Variants in MSMB observed in about 807,000 individuals in gnomAD.
MSMB encodes the protein microseminoprotein beta.
Under a neutral mutation model 10.5 loss-of-function variants are expected in MSMB, and 10 were observed. That is an observed-to-expected ratio of 0.95 (90% CI 0.59 to 1.62). The LOEUF is 1.62. Among genes scored for constraint, MSMB ranks in the 40% most tolerant of loss-of-function variants. MSMB has a pLI of 0.00. For synonymous variants in MSMB, 43 were observed against 46.5 expected (o/e 0.93, Z 0.30); for missense variants, 126 against 137.4 (o/e 0.92, Z 0.42).
intron 1 of MSMB, among the ~76,000 whole-genome samples, chr10:46,044,269 C>A (rs1840828086): frequency 6.6e-6 from 1 of 152,102 alleles, no homozygotes; most frequent in South Asian, 2.1e-4. Flanking sequence ...AGCAGGCTGG[C>A]AGTATCCTTA....
At position 46,039,269 on chromosome 10, in the gene MSMB, T is replaced by C. The variant is rs536824483; in HGVS notation, c.110-198A>G. On this transcript the variant is annotated intron_variant, in intron 2 of 3. Coordinates refer to ENST00000582163, the MANE Select transcript of MSMB (RefSeq NM_002443.4). ...ACTGTTCAGTTCATGCTACTGATAA[T>C]GTTTTCTTACAGAAAGCTTATATCC... Among the ~76,000 whole-genome samples, 4 of 152,370 alleles carry C rather than the reference T, an allele frequency of 2.6e-5. 1 individual carries two copies. In the East Asian group the frequency reaches 7.7e-4, roughly 29 times the overall value.
intron 1 of MSMB, among the ~76,000 whole-genome samples, chr10:46,044,469 A>G (rs988267360): frequency 1.2e-4 from 17 of 146,948 alleles, no homozygotes; most frequent in Non-Finnish European, 2.2e-4. Context: ...CCAGCTACTC[A>G]GGAGGCTGAG....
At chr10:46,034,722 G>A (rs1840559183) in intron 3 of MSMB, among the ~76,000 whole-genome samples, 1 of 151,838 alleles carries the variant, frequency 6.6e-6, no homozygotes, top group East Asian at 2.0e-4. Flanking sequence ...CTACTCAGGA[G>A]GCTGAGACAG....
chr10:46,040,193 GT>G, intron 1 of MSMB, 102 bp from the exon 2 acceptor site: 1 of 897,690 alleles, frequency 1.1e-6, no homozygotes, highest in South Asian at 1.6e-5. Context: ...CTGCTGAGAG[GT>G]TATGATGTGG....
Position 46,040,025 on chromosome 10 carries a change from A to G in MSMB, c.70T>C (p.Phe24Leu), listed in dbSNP as rs782649914. Residue 24 changes from phenylalanine to leucine, a missense_variant, in exon 2 of 4, where the codon TTC (phenylalanine) becomes CTC (leucine). Physicochemically the swap from Phe to Leu is conservative, Grantham distance 22. Transcript: ENST00000582163. ...CCTGGAACTCCCTCATTAGGTATGA[A>G]ATAGCATGATGCATTGCATAAAGTC... ...FVTLCNASCY[F>L]IPNEGVPGDS... is the part of the protein sequence containing the mutation. 6.2e-7 allele frequency: 1 copy of G among 1,614,064 alleles called. No individual in the cohort carries two copies. The highest frequency in any genetic ancestry group is 8.5e-7 in the Non-Finnish European group (1 of 1,179,904).
intron 1 of MSMB, among the ~76,000 whole-genome samples, chr10:46,044,438 T>C (rs1400999642): frequency 1.4e-5 from 2 of 146,234 alleles, no homozygotes; most frequent in Non-Finnish European, 3.0e-5. Context: ...TAGCTGGGCG[T>C]GGTGGCGGGC....
chr10:46,034,170 T>C (rs1249116155), intron 3 of MSMB, among the ~76,000 whole-genome samples: 2 of 152,186 alleles, frequency 1.3e-5, no homozygotes, highest in African/African-American at 4.8e-5. Flanking sequence ...TGGAGTGCAG[T>C]GGCACGATCT....
At chr10:46,043,979 A>G (rs1554929028) in intron 1 of MSMB, among the ~76,000 whole-genome samples, 1 of 151,988 alleles carries the variant, frequency 6.6e-6, no homozygotes, top group Non-Finnish European at 1.5e-5. Context: ...CCAACCAGAC[A>G]GCCTGTTAAT....
At chr10:46,045,973 G>A (rs1840887336) in intron 1 of MSMB, among the ~76,000 whole-genome samples, 1 of 152,140 alleles carries the variant, frequency 6.6e-6, no homozygotes, top group African/African-American at 2.4e-5. Context: ...AGACACTTAT[G>A]AAATCTAATT....
intron 1 of MSMB, among the ~76,000 whole-genome samples, chr10:46,044,725 G>T (rs1445811026): frequency 1.3e-5 from 2 of 151,974 alleles, no homozygotes; most frequent in Non-Finnish European, 2.9e-5. Flanking sequence ...GCCAAGGTGG[G>T]AGGATCACTT....
At chr10:46,035,710 G>T (rs1363837869) in intron 3 of MSMB, among the ~76,000 whole-genome samples, 1 of 152,130 alleles carries the variant, frequency 6.6e-6, no homozygotes, top group Non-Finnish European at 1.5e-5. Context: ...TCATTAAAAA[G>T]ATTTGGAAAT....
intron 3 of MSMB, among the ~76,000 whole-genome samples, chr10:46,035,950 G>C (rs950955372): frequency 5.9e-5 from 9 of 152,176 alleles, no homozygotes; most frequent in Non-Finnish European, 7.3e-5. Flanking sequence ...TAAGGCAAAA[G>C]GCATATTACT....
Position 46,035,996 on chromosome 10 carries a change from A to G in MSMB, c.216-2445T>C, listed in dbSNP as rs562563679. Among the ~76,000 whole-genome samples the G allele has an allele frequency of 2.0e-5, 3 of 152,334 alleles. No individual in the cohort carries two copies. The South Asian group carries it at 6.2e-4, about 32-fold the overall frequency. On this transcript the variant is annotated intron_variant, in intron 3 of 3. Coordinates refer to ENST00000582163, the MANE Select transcript of MSMB (RefSeq NM_002443.4). ...TTCAATGCAAACCAGACTTAGCTCTATAGAGGAAACAGCAGAGAGAGAGAG... is the reference window on the plus strand; with the variant it reads ...TTCAATGCAAACCAGACTTAGCTCTGTAGAGGAAACAGCAGAGAGAGAGAG...
At chr10:46,041,344 CAAAAAAAAAAA>C (rs60728604) in intron 1 of MSMB, among the ~76,000 whole-genome samples, 7 of 96,604 alleles carry the variant, frequency 7.2e-5, no homozygotes, top group Non-Finnish European at 1.5e-4. Context: ...GACTCCGTCT[CAAAAAAAAAAA>C]AAAAAAAAAA....
At chr10:46,044,444 C>A (rs1018673803) in intron 1 of MSMB, among the ~76,000 whole-genome samples, 3 of 145,894 alleles carry the variant, frequency 2.1e-5, no homozygotes, top group African/African-American at 2.5e-5. Flanking sequence ...GGCGTGGTGG[C>A]GGGCGCCTGT....
intron 3 of MSMB, among the ~76,000 whole-genome samples, chr10:46,034,685 C>T (rs1840558057): frequency 1.3e-5 from 2 of 151,616 alleles, no homozygotes; most frequent in African/African-American, 2.4e-5. Context: ...ATTAGCCGGG[C>T]GTGGTTGCAG....
At position 46,039,048 on chromosome 10, in the gene MSMB, T is replaced by C. The variant is rs1554928003; in HGVS notation, c.133A>G (p.Lys45Glu). Residue 45 changes from lysine to glutamate, a missense_variant, in exon 3 of 4, where the codon AAA (lysine) becomes GAA (glutamate). Coordinates refer to ENST00000582163, the MANE Select transcript of MSMB (RefSeq NM_002443.4). ...TGCCACTCCGAGTTTATTGGGTGTT[T>C]GTTTCCTTTGAGATCCATGCATTCT... ...TRKCMDLKGN[K>E]HPINSEWQTD... 1 of 1,614,136 alleles carries C rather than the reference T, an allele frequency of 6.2e-7. No individual in the cohort carries two copies. Among genetic ancestry groups the C allele is most frequent in the African/African-American group, 1.3e-5 (1 of 75,048 alleles).
chr10:46,039,867 G>A, intron 2 of MSMB, 119 bp downstream of exon 2: 1 of 734,072 alleles, frequency 1.4e-6, no homozygotes. Flanking sequence ...GGGAGACAGA[G>A]CATGACTATC....
chr10:46,033,700 T>A, intron 3 of MSMB, 149 bp from the exon 4 acceptor site: 1 of 1,091,616 alleles, frequency 9.2e-7, no homozygotes, highest in Non-Finnish European at 1.3e-6. Context: ...TCCAGGAACC[T>A]GGACCAGTCT....
Sources: allele counts gnomAD v4.1 joint callset (sites outside exome capture counted in the v4.1 genomes callset), GRCh38; gene constraint gnomAD v4.1.1; transcripts MANE v1.5; gene names NCBI Gene and HGNC (gene_info 2026-07-23, HGNC 2026-07-21).